IL19: variants seen among roughly 807,000 people sequenced by gnomAD.
The protein encoded by IL19 is interleukin 19.
Under a neutral mutation model 19.5 loss-of-function variants are expected in IL19, and 15 were observed. The observed-to-expected ratio is 0.77, with a 90% CI of 0.52 to 1.19. The LOEUF (loss-of-function observed/expected upper bound fraction) is 1.19, where lower values mean the gene tolerates loss of function less well. Ranked by LOEUF, IL19 falls within the 50% of genes most tolerant of loss-of-function variation. The probability of loss-of-function intolerance (pLI) is 0.00; values close to 1 mark genes in which losing one functional copy is unlikely to be tolerated. For missense variants in IL19, 199 were observed against 213.1 expected, an observed-to-expected ratio of 0.93 and a Z score of 0.41; for synonymous variants, 78 against 78.3, an observed-to-expected ratio of 1.00 and a Z score of 0.02.
chr1:206,770,803 A>T lies in IL19; in HGVS notation c.-424A>T. 1 of 1,108,472 alleles carries T rather than the reference A, an allele frequency of 9.0e-7. No homozygotes were observed. The highest frequency in any genetic ancestry group is 1.4e-6 in the Non-Finnish European group (1 of 718,148). The allele number at this position is 1,108,472 out of a possible 1,614,324, so 68.7% of individuals were successfully genotyped here. On this transcript the variant is annotated 5_prime_UTR_variant, in exon 1 of 7. Transcript: ENST00000659997. ...TTCCTCATTTACAGCTAGCTCTGCC[A>T]GTCTGTGTCTTTGCTGTGTCTGTGG...
At chr1:206,832,020 A>T (rs1676622915) in intron 2 of IL19, among the ~76,000 whole-genome samples, 1 of 152,220 alleles carries the variant, frequency 6.6e-6, no homozygotes, top group African/African-American at 2.4e-5. Flanking sequence ...TGCTATTCTC[A>T]CATGTGCAGA....
intron 2 of IL19, among the ~76,000 whole-genome samples, chr1:206,807,737 TTTTA>T (rs1190233044): frequency 6.6e-6 from 1 of 152,238 alleles, no homozygotes; most frequent in Admixed American, 6.5e-5. Context: ...ACCATGTTTA[TTTTA>T]TTTGTCACTG....
intron 2 of IL19, among the ~76,000 whole-genome samples, chr1:206,811,386 G>T (rs1676005183): frequency 6.7e-6 from 1 of 149,548 alleles, no homozygotes. Context: ...GGAGCTTGTA[G>T]TGAGCCGAGA....
chr1:206,798,808 G>T, intron 1 of IL19, 53 bp from the exon 2 acceptor site: 1 of 968,056 alleles, frequency 1.0e-6, no homozygotes, highest in Admixed American at 2.4e-5. Context: ...ACCAGAAGGA[G>T]GGAGCTGAGT....
chr1:206,807,101 A>G (rs1270975101), intron 2 of IL19, among the ~76,000 whole-genome samples: 1 of 152,178 alleles, frequency 6.6e-6, no homozygotes, highest in Non-Finnish European at 1.5e-5. Context: ...GTGCTGAGCA[A>G]AGAGGGAAAA....
rs563030514 is a variant in IL19, at chr1:206,836,814, T to A, written c.144+8T>A. On this transcript the variant is annotated splice_region_variant and intron_variant, in intron 3 of 6. Coordinates refer to ENST00000659997, the MANE Select transcript of IL19 (RefSeq NM_153758.5). ...GAAATCAAAAGAGCCATCGTGAGTA[T>A]GGGTTGGTGTAAAGGTGTGGATGAC... 6.8e-6 allele frequency: 11 copies of A among 1,614,090 alleles called. No homozygotes were observed. The highest frequency in any genetic ancestry group is 4.5e-5 in the East Asian group (2 of 44,886).
chr1:206,797,283 G>GTAGAATTC (rs11280588), intron 1 of IL19, among the ~76,000 whole-genome samples: 151,963 of 151,972 alleles, frequency 1, 75,977 homozygotes, highest in Middle Eastern at 1. Context: ...CTCAACTGGT[G>GTAGAATTC]TAGAATTCTC....
At chr1:206,784,136 G>A (rs1675210178) in intron 1 of IL19, among the ~76,000 whole-genome samples, 1 of 152,192 alleles carries the variant, frequency 6.6e-6, no homozygotes, top group African/African-American at 2.4e-5. Flanking sequence ...AGGCATTTAG[G>A]AGGCCTAGTT....
chr1:206,782,476 G>A (rs1176102734), intron 1 of IL19, among the ~76,000 whole-genome samples: 1 of 152,214 alleles, frequency 6.6e-6, no homozygotes, highest in Non-Finnish European at 1.5e-5. Flanking sequence ...TCAAAGTGTG[G>A]CCTCAGAGGC....
chr1:206,838,758 TCCC>T (rs1558623834), intron 4 of IL19, among the ~76,000 whole-genome samples: 7 of 145,780 alleles, frequency 4.8e-5, no homozygotes, highest in African/African-American at 1.8e-4. Flanking sequence ...TCCCTTCCCT[TCCC>T]TTCCCTTCCC....
chr1:206,816,544 T>C (rs553548695), intron 2 of IL19, among the ~76,000 whole-genome samples: 52 of 151,732 alleles, frequency 3.4e-4, no homozygotes, highest in Non-Finnish European at 6.5e-4. Context: ...TTATATACAA[T>C]AAGTCAACAA....
chr1:206,821,423 C>T (rs1425828289), intron 2 of IL19, among the ~76,000 whole-genome samples: 1 of 152,224 alleles, frequency 6.6e-6, no homozygotes, highest in African/African-American at 2.4e-5. Context: ...TGTTACGATG[C>T]TTGCGGCTTT....
chr1:206,780,743 CT>C (rs1675110388), intron 1 of IL19, among the ~76,000 whole-genome samples: 1 of 152,168 alleles, frequency 6.6e-6, no homozygotes. Flanking sequence ...GAATGCAATT[CT>C]TTTTCAGATC....
At position 206,772,399 on chromosome 1, in the gene IL19, G is replaced by T. The variant is rs769236514; in HGVS notation, c.-149+1321G>T. Reference sequence around the variant, plus strand: ...CCTGGGCTGGCCCTCACCCCAGTCAGGAGGACCAGGCAACAGAGCAGTGCT... The same window carrying T: ...CCTGGGCTGGCCCTCACCCCAGTCATGAGGACCAGGCAACAGAGCAGTGCT... On this transcript the variant is annotated intron_variant, in intron 1 of 6. Coordinates refer to ENST00000659997, the MANE Select transcript of IL19 (RefSeq NM_153758.5). The T allele has an allele frequency of 5.0e-6, 8 of 1,614,142 alleles. No individual in the cohort carries two copies. In the East Asian group the frequency reaches 1.6e-4, roughly 31 times the overall value.
At position 206,836,841 on chromosome 1, in the gene IL19, G is replaced by A. The variant is rs780460044; in HGVS notation, c.144+35G>A. ...GGTTGGTGTAAAGGTGTGGATGACG[G>A]AGTATCCCTCCCCTTACATCTTAGC... On this transcript the variant is annotated intron_variant, in intron 3 of 6. Transcript: ENST00000659997. 5 of 1,611,064 alleles carry A rather than the reference G, an allele frequency of 3.1e-6. No homozygotes were observed. The Admixed American group carries it at 5.0e-5, about 16-fold the overall frequency.
At chr1:206,818,589 G>A (rs574894465) in intron 2 of IL19, among the ~76,000 whole-genome samples, 1 of 152,270 alleles carries the variant, frequency 6.6e-6, no homozygotes, top group South Asian at 2.1e-4. Context: ...AATAGAGCAG[G>A]AGAAACTGCT....
intron 1 of IL19, among the ~76,000 whole-genome samples, chr1:206,779,446 C>T (rs1037665001): frequency 2.0e-5 from 3 of 152,150 alleles, no homozygotes; most frequent in Non-Finnish European, 2.9e-5. Flanking sequence ...CTTGTCTTTT[C>T]TCATTCCTTT....
intron 1 of IL19, among the ~76,000 whole-genome samples, chr1:206,791,299 A>G (rs1490862843): frequency 8.7e-6 from 1 of 114,640 alleles, no homozygotes; most frequent in Non-Finnish European, 1.9e-5. Context: ...GGAGGTCCTT[A>G]GGTTTTTTTT....
chr1:206,818,981 T>C (rs942526218), intron 2 of IL19, among the ~76,000 whole-genome samples: 3 of 151,798 alleles, frequency 2.0e-5, no homozygotes, highest in African/African-American at 7.3e-5. Flanking sequence ...CCCAGGTAAT[T>C]TTTGTATTTT....
Sources: gnomAD v4.1 joint callset for allele counts (sites outside exome capture counted in the v4.1 genomes callset) on GRCh38, gnomAD v4.1.1 for gene constraint, MANE v1.5 for transcripts, NCBI Gene and HGNC (gene_info 2026-07-23, HGNC 2026-07-21) for gene names.